The following CCDC30 variants were observed in gnomAD, a reference collection of about 807,000 sequenced individuals.
CCDC30 encodes coiled-coil domain containing 30.
Under a neutral mutation model 100.2 loss-of-function variants are expected in CCDC30, and 70 were observed. The ratio of observed to expected loss-of-function variants is 0.70; its 90% CI spans 0.58 to 0.85. The LOEUF (loss-of-function observed/expected upper bound fraction) is 0.85. Ranked by LOEUF, CCDC30 falls within the 40% of genes least tolerant of loss-of-function variation. The pLI, the probability that CCDC30 is intolerant of heterozygous loss-of-function variation, is 0.00. For synonymous variants in CCDC30, 233 were observed against 269.5 expected (o/e 0.86, Z 1.33); for missense variants, 652 against 771.2 (o/e 0.85, Z 1.83).
chr1:42,500,395 G>A (rs1327465115), intron 6 of CCDC30: 8 of 1,128,060 alleles, frequency 7.1e-6, no homozygotes, highest in Non-Finnish European at 1.1e-5. Flanking sequence ...TCTGGTCTGC[G>A]CAGTGGCCAC....
Position 42,642,457 on chromosome 1 carries a change from A to G in CCDC30, c.1420-16A>G. ...TTTCTCCTGCTGTGGTAATTAGGAG[A>G]CTTTCTAATCCCTAGGAGAAGGCAA... On this transcript the variant is annotated splice_polypyrimidine_tract_variant and intron_variant, in intron 12 of 16. Transcript: ENST00000668663. 1.3e-6 allele frequency: 2 copies of G among 1,489,370 alleles called. No individual in the cohort carries two copies. Among genetic ancestry groups the G allele is most frequent in the Non-Finnish European group, 8.9e-7 (1 of 1,118,214 alleles). The allele number at this position is 1,489,370 out of a possible 1,614,324, so 92.3% of individuals were successfully genotyped here.
intron 10 of CCDC30, chr1:42,593,405 T>A (rs1646225221): frequency 6.6e-6 from 1 of 152,250 alleles, no homozygotes. Flanking sequence ...TGACCTCTGA[T>A]CACACCACCC....
intron 6 of CCDC30, among the ~76,000 whole-genome samples, chr1:42,539,516 C>T (rs72957951): frequency 0.013 from 2,046 of 152,298 alleles, 46 homozygotes; most frequent in African/African-American, 0.047. Flanking sequence ...TCAACCAGCA[C>T]TTGGCAATTA....
At chr1:42,617,450 C>A (rs1385035492) in intron 11 of CCDC30, among the ~76,000 whole-genome samples, 1 of 152,112 alleles carries the variant, frequency 6.6e-6, no homozygotes, top group African/African-American at 2.4e-5. Flanking sequence ...TGTCCACTGC[C>A]TAGACAGAGC....
intron 2 of CCDC30, 51 bp from the exon 3 acceptor site, chr1:42,482,612 A>G (rs1258645930): frequency 9.0e-7 from 1 of 1,115,796 alleles, no homozygotes; most frequent in African/African-American, 1.6e-5. Context: ...GCAAAATGTC[A>G]TGAGAGTACA....
intron 10 of CCDC30, among the ~76,000 whole-genome samples, chr1:42,606,856 T>C (rs139649375): frequency 6.6e-6 from 1 of 152,210 alleles, no homozygotes; most frequent in Non-Finnish European, 1.5e-5. Flanking sequence ...CATTTCAAGA[T>C]AAATGAATCC....
At chr1:42,583,553 T>C (rs1646010116) in intron 9 of CCDC30, among the ~76,000 whole-genome samples, 1 of 152,240 alleles carries the variant, frequency 6.6e-6, no homozygotes, top group South Asian at 2.1e-4. Flanking sequence ...TAGAATATTA[T>C]TTTAATGATA....
intron 3 of CCDC30, among the ~76,000 whole-genome samples, chr1:42,489,597 G>A (rs935953051): frequency 6.6e-6 from 1 of 152,168 alleles, no homozygotes; most frequent in African/African-American, 2.4e-5. Flanking sequence ...CAATATCGCT[G>A]GTGATGAGGA....
chr1:42,641,217 G>A (rs937376135), intron 12 of CCDC30, among the ~76,000 whole-genome samples: 1 of 76,130 alleles, frequency 1.3e-5, no homozygotes, highest in Non-Finnish European at 2.5e-5. Flanking sequence ...CATGGCTTTT[G>A]TGTGTGTGTG....
At chr1:42,523,339 A>G (rs1644676499) in intron 6 of CCDC30, among the ~76,000 whole-genome samples, 1 of 152,066 alleles carries the variant, frequency 6.6e-6, no homozygotes. Flanking sequence ...CTCATTTCTG[A>G]AGGACCAGTT....
intron 3 of CCDC30, among the ~76,000 whole-genome samples, chr1:42,488,078 T>C (rs1291652519): frequency 7.9e-5 from 12 of 152,174 alleles, no homozygotes; most frequent in Non-Finnish European, 1.6e-4. Flanking sequence ...AGCTGGGTGA[T>C]GGATGTAGGT....
At chr1:42,607,648 G>A (rs12027959) in intron 10 of CCDC30, among the ~76,000 whole-genome samples, 36,542 of 150,898 alleles carry the variant, frequency 0.24, 4,895 homozygotes, top group South Asian at 0.46. Context: ...AAAGTGCCCT[G>A]TTCTGGGAAA....
chr1:42,522,105 T>A (rs931351652), intron 6 of CCDC30, among the ~76,000 whole-genome samples: 9 of 152,210 alleles, frequency 5.9e-5, no homozygotes, highest in African/African-American at 2.2e-4. Context: ...ATCTCTAGAT[T>A]ACTTACAATA....
chr1:42,493,633 G>A (rs1243781115), intron 4 of CCDC30, among the ~76,000 whole-genome samples: 1 of 151,946 alleles, frequency 6.6e-6, no homozygotes. Context: ...CCGCAATAGA[G>A]TAAATCAGTG....
At chr1:42,506,163 A>C (rs963265130) in intron 6 of CCDC30, among the ~76,000 whole-genome samples, 1 of 152,216 alleles carries the variant, frequency 6.6e-6, no homozygotes, top group Non-Finnish European at 1.5e-5. Flanking sequence ...TTGACACTGA[A>C]GGACAAAATA....
chr1:42,486,623 G>A (rs943231357), intron 3 of CCDC30, among the ~76,000 whole-genome samples: 2 of 152,160 alleles, frequency 1.3e-5, no homozygotes, highest in South Asian at 2.1e-4. Flanking sequence ...CACTGGGAGC[G>A]GACTCTTGGA....
At chr1:42,624,436 C>T (rs534899443) in intron 11 of CCDC30, among the ~76,000 whole-genome samples, 19 of 152,138 alleles carry the variant, frequency 1.2e-4, no homozygotes, top group South Asian at 4.1e-4. Context: ...CCCACATGGT[C>T]ATGATGATCT....
intron 12 of CCDC30, among the ~76,000 whole-genome samples, chr1:42,640,154 G>C (rs1647285961): frequency 1.3e-5 from 2 of 152,094 alleles, no homozygotes; most frequent in Admixed American, 6.6e-5. Context: ...CCAGAGCACT[G>C]AGCATAAAAA....
At chr1:42,508,139 C>T (rs567114254) in intron 6 of CCDC30, among the ~76,000 whole-genome samples, 6 of 152,226 alleles carry the variant, frequency 3.9e-5, no homozygotes, top group African/African-American at 1.2e-4. Flanking sequence ...TGGAGGAACA[C>T]GACTAGGAAA....
Sources: allele counts gnomAD v4.1 joint callset (sites outside exome capture counted in the v4.1 genomes callset), GRCh38; gene constraint gnomAD v4.1.1; transcripts MANE v1.5; gene names NCBI Gene and HGNC (gene_info 2026-07-23, HGNC 2026-07-21).